Variants in ABL1 observed in about 807,000 individuals in gnomAD.
ABL1 encodes the protein ABL proto-oncogene 1, non-receptor tyrosine kinase.
Under a neutral mutation model 94.7 loss-of-function variants are expected in ABL1, and 11 were observed. That is an observed-to-expected ratio of 0.12 (90% CI 0.07 to 0.19). ABL1 has a LOEUF of 0.19. ABL1 is among the 10% of genes least tolerant of loss of function. The pLI, the probability that ABL1 is intolerant of heterozygous loss-of-function variation, is 1.00. For synonymous variants in ABL1, 656 were observed against 622.4 expected (o/e 1.05, Z -0.80); for missense variants, 1,082 against 1,489.4 (o/e 0.73, Z 4.50).
At chr9:130,851,679 A>G (rs565974424) in intron 1 of ABL1, among the ~76,000 whole-genome samples, 1 of 152,026 alleles carries the variant, frequency 6.6e-6, no homozygotes, top group African/African-American at 2.4e-5. Context: ...GAGAAGGAAA[A>G]CTAAAACAAT....
chr9:130,795,829 G>A (rs1190316187), intron 1 of ABL1, among the ~76,000 whole-genome samples: 2 of 152,202 alleles, frequency 1.3e-5, no homozygotes, highest in African/African-American at 4.8e-5. Context: ...TAGTAGTCCT[G>A]CTCTGACTTT....
chr9:130,737,951 C>T (rs1017581304), intron 1 of ABL1, among the ~76,000 whole-genome samples: 11 of 151,882 alleles, frequency 7.2e-5, no homozygotes, highest in African/African-American at 2.4e-4. Context: ...CTGCCTCAGC[C>T]TACCAACTAG....
At chr9:130,848,107 C>T (rs974559166) in intron 1 of ABL1, among the ~76,000 whole-genome samples, 1 of 152,096 alleles carries the variant, frequency 6.6e-6, no homozygotes, top group Non-Finnish European at 1.5e-5. Flanking sequence ...CTCATGGCCA[C>T]GAGGTTGACG....
At chr9:130,856,741 C>T (rs542369640) in intron 3 of ABL1, among the ~76,000 whole-genome samples, 1 of 152,132 alleles carries the variant, frequency 6.6e-6, no homozygotes, top group Non-Finnish European at 1.5e-5. Context: ...GATACATGCA[C>T]GCGAATGCAT....
chr9:130,838,491 C>A (rs532514224), intron 1 of ABL1, among the ~76,000 whole-genome samples: 12 of 152,228 alleles, frequency 7.9e-5, no homozygotes, highest in Non-Finnish European at 1.5e-4. Context: ...GTAATTCCCT[C>A]TCCTATTCAT....
intron 6 of ABL1, 23 bp from the exon 7 acceptor site, chr9:130,874,844 TG>T: frequency 1.2e-6 from 2 of 1,613,366 alleles, no homozygotes. Flanking sequence ...GGAGCTCTCA[TG>T]GGTGAACATT....
At chr9:130,735,176 C>T (rs1340174840) in intron 1 of ABL1, among the ~76,000 whole-genome samples, 4 of 151,898 alleles carry the variant, frequency 2.6e-5, no homozygotes, top group African/African-American at 4.8e-5. Flanking sequence ...ATTACAGGCA[C>T]CTGCCACCAC....
chr9:130,741,619 C>T (rs567213559), intron 1 of ABL1, among the ~76,000 whole-genome samples: 2 of 152,144 alleles, frequency 1.3e-5, no homozygotes, highest in East Asian at 1.9e-4. Flanking sequence ...GTTACCATGC[C>T]GGAGTAACAG....
At chr9:130,860,518 G>A (rs913090661) in intron 3 of ABL1, among the ~76,000 whole-genome samples, 1 of 152,158 alleles carries the variant, frequency 6.6e-6, no homozygotes, top group Non-Finnish European at 1.5e-5. Flanking sequence ...TTGGAGTGAA[G>A]GAACCCGATC....
intron 1 of ABL1, among the ~76,000 whole-genome samples, chr9:130,826,181 C>T (rs938293699): frequency 7.3e-5 from 11 of 151,382 alleles, no homozygotes; most frequent in African/African-American, 2.4e-4. Flanking sequence ...ACAGAGTCGG[C>T]GCAATTTCGG....
chr9:130,796,285 G>A (rs1050197923), intron 1 of ABL1, among the ~76,000 whole-genome samples: 4 of 152,232 alleles, frequency 2.6e-5, no homozygotes, highest in African/African-American at 9.6e-5. Flanking sequence ...CATTTTGGGA[G>A]GCCGAGGCAA....
rs971219056 is a variant in ABL1, at chr9:130,748,690, C to G, written c.136+34235C>G. Among the ~76,000 whole-genome samples, 4 of 152,116 alleles carry G rather than the reference C, an allele frequency of 2.6e-5. No homozygotes were observed. The South Asian group carries it at 8.3e-4, about 31-fold the overall frequency. ...TCCCGGGTTCAAGCAGTTCTTCTACCTCAGCCTCCCAAGTAGCTGGGATTA... is the reference window on the plus strand; with the variant it reads ...TCCCGGGTTCAAGCAGTTCTTCTACGTCAGCCTCCCAAGTAGCTGGGATTA... On this transcript the variant is annotated intron_variant, in intron 1 of 10. Coordinates refer to the ABL1 transcript ENST00000372348.
chr9:130,863,186 C>A lies in ABL1; in HGVS notation c.822+151C>A. ...TTGACTTTTCCGTCTTATATCATTC[C>A]TGTGTCTTTGTAGGAGTGGAATCAT... On this transcript the variant is annotated intron_variant, in intron 4 of 10. Transcript: ENST00000318560. This position sits in a 1 kb window ranked among gnomAD's most constrained non-coding sequence, Gnocchi z 4.3. 1.1e-6 allele frequency: 1 copy of A among 922,678 alleles called. No individual in the cohort carries two copies. Among genetic ancestry groups the A allele is most frequent in the Non-Finnish European group, 1.6e-6 (1 of 627,786 alleles). 57.2% of individuals were successfully genotyped at this position (922,678 alleles called of 1,614,324 possible). A position where few individuals can be genotyped will look rare whatever the true frequency, so the allele number is the denominator to read the frequency against.
rs34001282 is a variant in ABL1 at position 130,878,593 on chromosome 9, C to G, written c.1423+26C>G. 4,009 of 1,610,948 alleles carry G rather than the reference C, an allele frequency of 2.5e-3. 98 individuals are homozygous for G. The Admixed American group carries it at 0.04, about 16-fold the overall frequency. ...GTAAGCCTTCCTCAGCCTGTTCTCA[C>G]GAGTATATGTGGGCATTCCAGGAAA... On this transcript the variant is annotated intron_variant, in intron 8 of 10. Coordinates refer to ENST00000318560, the MANE Select transcript of ABL1 (RefSeq NM_005157.6).
intron 1 of ABL1, among the ~76,000 whole-genome samples, chr9:130,719,558 A>G (rs1361131016): frequency 6.6e-6 from 1 of 152,090 alleles, no homozygotes. Context: ...TAAAAATAAA[A>G]ACTGAATTGA....
chr9:130,858,847 T>C (rs1831016458), intron 3 of ABL1, among the ~76,000 whole-genome samples: 1 of 152,226 alleles, frequency 6.6e-6, no homozygotes, highest in Admixed American at 6.5e-5. Context: ...GATTTCTTTC[T>C]GCCTCCCCGC....
intron 1 of ABL1, among the ~76,000 whole-genome samples, chr9:130,718,844 T>C (rs1831479855): frequency 6.6e-6 from 1 of 152,206 alleles, no homozygotes; most frequent in African/African-American, 2.4e-5. Context: ...ATCACGCCAC[T>C]GCACTGCAGC....
intron 1 of ABL1, among the ~76,000 whole-genome samples, chr9:130,768,341 G>C (rs1257267245): frequency 6.6e-6 from 1 of 152,212 alleles, no homozygotes; most frequent in Non-Finnish European, 1.5e-5. Flanking sequence ...GCATTTAGCA[G>C]CAACTCAGAG....
intron 1 of ABL1, among the ~76,000 whole-genome samples, chr9:130,729,721 A>C (rs1831636985): frequency 6.6e-6 from 1 of 151,696 alleles, no homozygotes; most frequent in Non-Finnish European, 1.5e-5. Context: ...ACAGAAGCAG[A>C]AGTTCAATTC....
Sources: gnomAD v4.1 joint callset for allele counts (sites outside exome capture counted in the v4.1 genomes callset) on GRCh38, gnomAD v4.1.1 for gene constraint, Gnocchi (gnomAD v3.1) non-coding constraint, MANE v1.5 for transcripts, NCBI Gene and HGNC (gene_info 2026-07-23, HGNC 2026-07-21) for gene names.